ATF7: variants seen among roughly 807,000 people sequenced by gnomAD.
The protein encoded by ATF7 is activating transcription factor 7.
In ATF7, 10 loss-of-function variants were observed where a neutral mutation model predicts 50.4. That is an observed-to-expected ratio of 0.20 (90% CI 0.12 to 0.34). ATF7 has a LOEUF of 0.34. Among genes scored for constraint, ATF7 ranks in the 10% least tolerant of loss-of-function variants. The pLI is 1.00. For missense variants in ATF7, 465 were observed against 613.9 expected, an observed-to-expected ratio of 0.76 and a Z score of 2.56; for synonymous variants, 201 against 226.4, an observed-to-expected ratio of 0.89 and a Z score of 1.01.
chr12:53,509,199 C>T (rs566908830), downstream of ATF7, among the ~76,000 whole-genome samples: 99 of 152,184 alleles, frequency 6.5e-4, 2 homozygotes, highest in African/African-American at 2.3e-3. Flanking sequence ...TTACAAGGAA[C>T]GCCTTCCTAG....
intron 2 of ATF7, among the ~76,000 whole-genome samples, chr12:53,586,385 T>A (rs1458342785): frequency 6.7e-6 from 1 of 149,040 alleles, no homozygotes; most frequent in East Asian, 2.1e-4. Flanking sequence ...ATTTAAAAAA[T>A]TAATGTGCAT....
At chr12:53,615,601 C>T (rs895596933) in intron 1 of ATF7, among the ~76,000 whole-genome samples, 2 of 152,072 alleles carry the variant, frequency 1.3e-5, no homozygotes, top group African/African-American at 4.8e-5. Flanking sequence ...GGGCTGGATG[C>T]GATGGCTCAC....
At chr12:53,546,099 G>A (rs1220705000) in intron 3 of ATF7, among the ~76,000 whole-genome samples, 2 of 152,086 alleles carry the variant, frequency 1.3e-5, no homozygotes, top group Non-Finnish European at 2.9e-5. Context: ...GGCTGAGGCA[G>A]GCGAATTGCT....
At chr12:53,512,050 T>C (rs1944142391), downstream of ATF7, 1 of 152,106 alleles carries the variant, frequency 6.6e-6, no homozygotes, top group African/African-American at 2.4e-5. Flanking sequence ...GCATCAGACA[T>C]AACAGTGGTT....
chr12:53,571,888 G>A (rs879759026), intron 2 of ATF7, among the ~76,000 whole-genome samples: 24 of 152,066 alleles, frequency 1.6e-4, no homozygotes, highest in Non-Finnish European at 2.6e-4. Context: ...CCAACATGGC[G>A]AAACCCGGTC....
intron 2 of ATF7, among the ~76,000 whole-genome samples, chr12:53,583,047 A>T (rs894029997): frequency 2.6e-5 from 4 of 152,232 alleles, no homozygotes; most frequent in Admixed American, 2.6e-4. Context: ...CAAAAAAATG[A>T]ATCTAGACAC....
At position 53,612,685 on chromosome 12, in the gene ATF7, T is replaced by C. The variant is rs564456485; in HGVS notation, c.-21-11664A>G. On this transcript the variant is annotated intron_variant, in intron 1 of 11. Transcript: ENST00000420353. ...GGTTAAATCATTCATGAGTAAAAGA[T>C]CTATTTAAACAGTAAGTTAGGCTGG... Among the ~76,000 whole-genome samples the C allele has an allele frequency of 2.0e-5, 3 of 152,244 alleles. No homozygotes were observed. In the East Asian group the frequency reaches 5.8e-4, roughly 29 times the overall value.
intron 9 of ATF7, among the ~76,000 whole-genome samples, chr12:53,529,694 CATATAT>C (rs201402616): frequency 1.7e-5 from 2 of 120,442 alleles, no homozygotes; most frequent in African/African-American, 5.9e-5. Flanking sequence ...TATATAAATA[CATATAT>C]ATATACACAT....
rs1368447741 is a variant in ATF7, at chr12:53,515,295, G to C, written c.*1842C>G. On this transcript the variant is annotated 3_prime_UTR_variant, in exon 12 of 12. Transcript: ENST00000420353. ...ACTTTAAGGAAACGGGAATCTTGTAGCTTAGAACATTTTCTCATTCCCCTG... is the reference window on the plus strand; with the variant it reads ...ACTTTAAGGAAACGGGAATCTTGTACCTTAGAACATTTTCTCATTCCCCTG... 1 of 152,200 alleles carries C rather than the reference G, an allele frequency of 6.6e-6. No homozygotes were observed. Among genetic ancestry groups the C allele is most frequent in the Non-Finnish European group, 1.5e-5 (1 of 68,048 alleles). The allele number at this position is 152,200 out of a possible 1,614,324, so 9.4% of individuals were successfully genotyped here.
intron 9 of ATF7, among the ~76,000 whole-genome samples, chr12:53,528,917 C>G (rs1347761531): frequency 6.6e-6 from 1 of 151,758 alleles, no homozygotes; most frequent in Non-Finnish European, 1.5e-5. Flanking sequence ...ACGGGAAGAA[C>G]GACAAGGAAA....
At chr12:53,538,463 A>C (rs1280814847) in intron 4 of ATF7, among the ~76,000 whole-genome samples, 1 of 152,214 alleles carries the variant, frequency 6.6e-6, no homozygotes. Flanking sequence ...TGATTGGTGA[A>C]ATAAATGACA....
chr12:53,567,497 T>C (rs1941505806), intron 2 of ATF7, among the ~76,000 whole-genome samples: 1 of 152,244 alleles, frequency 6.6e-6, no homozygotes, highest in Non-Finnish European at 1.5e-5. Context: ...GTGTTTGGCT[T>C]TTTATCAAAC....
intron 1 of ATF7, among the ~76,000 whole-genome samples, chr12:53,622,867 G>C (rs1321550619): frequency 6.6e-6 from 1 of 152,142 alleles, no homozygotes; most frequent in Non-Finnish European, 1.5e-5. Flanking sequence ...CAGCTACTTG[G>C]AGGCTGGGAG....
Position 53,605,317 on chromosome 12 carries a change from A to C in ATF7, c.-21-4296T>G, listed in dbSNP as rs1460726324. ...GGCAGGAGAATTGCTTGAACCCAGG[A>C]GGCAGAGTTTGCAGTGAGCTGAGAT... On this transcript the variant is annotated intron_variant, in intron 1 of 11. Coordinates refer to ENST00000420353, the MANE Select transcript of ATF7 (RefSeq NM_006856.3). Among the ~76,000 whole-genome samples, 3 of 144,674 alleles carry C rather than the reference A, an allele frequency of 2.1e-5. No individual in the cohort carries two copies. In the East Asian group the frequency reaches 6.1e-4, roughly 30 times the overall value. The allele number at this position is 144,674 out of a possible 152,430, so 94.9% of individuals were successfully genotyped here.
At chr12:53,599,589 T>C (rs1349740163) in intron 2 of ATF7, among the ~76,000 whole-genome samples, 1 of 152,112 alleles carries the variant, frequency 6.6e-6, no homozygotes, top group African/African-American at 2.4e-5. Flanking sequence ...ATGCCTTTTT[T>C]GGTCTTTTGT....
At chr12:53,594,594 A>C (rs931722846) in intron 2 of ATF7, among the ~76,000 whole-genome samples, 1 of 152,232 alleles carries the variant, frequency 6.6e-6, no homozygotes, top group Non-Finnish European at 1.5e-5. Context: ...CATTTTAAAA[A>C]TTCCAGTCCC....
chr12:53,604,987 G>A (rs1185851661), intron 1 of ATF7, among the ~76,000 whole-genome samples: 1 of 152,066 alleles, frequency 6.6e-6, no homozygotes, highest in East Asian at 1.9e-4. Flanking sequence ...TTAGTCAGAG[G>A]TTGATCAGTA....
chr12:53,583,644 G>A (rs1942540935), intron 2 of ATF7, among the ~76,000 whole-genome samples: 1 of 152,100 alleles, frequency 6.6e-6, no homozygotes, highest in Admixed American at 6.6e-5. Context: ...GTATGGCGAT[G>A]ACTTTTTAAA....
chr12:53,573,460 C>T (rs540362920), intron 2 of ATF7, among the ~76,000 whole-genome samples: 5 of 152,228 alleles, frequency 3.3e-5, no homozygotes, highest in Admixed American at 1.3e-4. Flanking sequence ...TCACTTCATT[C>T]GTGTGGATTC....
Sources: gnomAD v4.1 joint callset for allele counts (sites outside exome capture counted in the v4.1 genomes callset) on GRCh38, gnomAD v4.1.1 for gene constraint, MANE v1.5 for transcripts, NCBI Gene and HGNC (gene_info 2026-07-23, HGNC 2026-07-21) for gene names.